Variants in C4orf36 observed in about 807,000 individuals in gnomAD.
The protein encoded by C4orf36 is chromosome 4 open reading frame 36, also known as uncharacterized protein C4orf36.
In C4orf36, 11 loss-of-function variants were observed where a neutral mutation model predicts 12.2. The ratio of observed to expected loss-of-function variants is 0.90; its 90% confidence interval spans 0.57 to 1.49. C4orf36 has a LOEUF of 1.49. Ranked by LOEUF, C4orf36 falls within the 40% of genes most tolerant of loss-of-function variation. C4orf36 has a pLI of 0.00. For synonymous variants in C4orf36, 54 were observed against 51.3 expected (o/e 1.05, Z -0.22); for missense variants, 137 against 133.9 (o/e 1.02, Z -0.11).
At chr4:86,876,806 C>G (rs1180298371) in intron 4 of C4orf36, among the ~76,000 whole-genome samples, 1 of 152,118 alleles carries the variant, frequency 6.6e-6, no homozygotes, top group Non-Finnish European at 1.5e-5. Context: ...GAGATTTTCT[C>G]ATGGATATAC....
chr4:86,889,767 A>G (rs1010583645), intron 2 of C4orf36, among the ~76,000 whole-genome samples: 2 of 152,190 alleles, frequency 1.3e-5, no homozygotes, highest in Non-Finnish European at 2.9e-5. Flanking sequence ...AAATCAAAAA[A>G]TTAGCCGAAT....
the C4orf36 span, among the ~76,000 whole-genome samples, chr4:86,931,879 C>CA: frequency 4.0e-5 from 6 of 151,250 alleles, no homozygotes; most frequent in East Asian, 1.2e-3. Flanking sequence ...ACTAAAAATA[C>CA]AAAAAATTGG....
At chr4:86,932,787 T>TAA in the C4orf36 span, among the ~76,000 whole-genome samples, 2 of 129,704 alleles carry the variant, frequency 1.5e-5, no homozygotes, top group Non-Finnish European at 3.3e-5. Context: ...GGGGTTCTGT[T>TAA]AAAAAAAAAA....
chr4:86,921,737 C>T, the C4orf36 span, among the ~76,000 whole-genome samples: 23 of 152,146 alleles, frequency 1.5e-4, no homozygotes, highest in African/African-American at 4.8e-4. Context: ...GCATGAAGTA[C>T]ATTCATATTG....
the C4orf36 span, among the ~76,000 whole-genome samples, chr4:86,902,129 T>A: frequency 6.6e-6 from 1 of 151,872 alleles, no homozygotes; most frequent in East Asian, 1.9e-4. Flanking sequence ...GTAAAAGAAA[T>A]AAGGAATTAC....
At chr4:86,901,346 G>C in the C4orf36 span, among the ~76,000 whole-genome samples, 1 of 149,398 alleles carries the variant, frequency 6.7e-6, no homozygotes, top group Non-Finnish European at 1.5e-5. Flanking sequence ...GATCATATCT[G>C]ATCTCTTCTC....
chr4:86,889,351 C>CAAAA (rs11357505), intron 2 of C4orf36, among the ~76,000 whole-genome samples: 1 of 118,278 alleles, frequency 8.5e-6, no homozygotes, highest in Non-Finnish European at 1.8e-5. Flanking sequence ...AACTCCGTCT[C>CAAAA]AAAAAAAAAA....
the C4orf36 span, chr4:86,913,187 A>G: frequency 1.5e-5 from 6 of 396,304 alleles, no homozygotes; most frequent in Admixed American, 1.5e-4. Flanking sequence ...CTTCCTTGCC[A>G]TCGTGCCACA....
chr4:86,927,162 C>A, the C4orf36 span, among the ~76,000 whole-genome samples: 1 of 152,266 alleles, frequency 6.6e-6, no homozygotes, highest in East Asian at 1.9e-4. Flanking sequence ...CTAGAATGTA[C>A]CCTGCCCAGG....
chr4:86,896,143 C>T (rs930768446), upstream of C4orf36, among the ~76,000 whole-genome samples: 3 of 152,126 alleles, frequency 2.0e-5, no homozygotes, highest in Admixed American at 2.0e-4. Context: ...AATGGAGGCA[C>T]CTCAACCACG....
At chr4:86,914,957 A>C in the C4orf36 span, 22 of 230,530 alleles carry the variant, frequency 9.5e-5, no homozygotes, top group East Asian at 3.6e-3. Context: ...CTATTTCTAT[A>C]CTTTAATCCC....
the C4orf36 span, among the ~76,000 whole-genome samples, chr4:86,910,316 G>A: frequency 6.6e-6 from 1 of 152,120 alleles, no homozygotes; most frequent in Admixed American, 6.5e-5. Flanking sequence ...GGAGGCTGAG[G>A]CAGGAGAATC....
At chr4:86,927,174 T>C in the C4orf36 span, among the ~76,000 whole-genome samples, 49 of 152,286 alleles carry the variant, frequency 3.2e-4, no homozygotes, top group East Asian at 2.9e-3. Context: ...CTGCCCAGGC[T>C]TGTTGAATGA....
chr4:86,909,524 T>C, the C4orf36 span, among the ~76,000 whole-genome samples: 509 of 152,310 alleles, frequency 3.3e-3, 1 homozygote, highest in African/African-American at 0.012. Flanking sequence ...AATTTCTATA[T>C]CTCAGTGCGA....
Position 86,891,777 on chromosome 4 carries a change from A to T in C4orf36, c.-73-184T>A, listed in dbSNP as rs1323009822. On this transcript the variant is annotated intron_variant, in intron 1 of 4. Transcript: ENST00000295898. ...TCATTTTTTCATTTTTTGCCACCGA[A>T]TAAGGAGAAAATGCCAGGTAAGTTT... Among the ~76,000 whole-genome samples, 29 of 152,152 alleles carry T rather than the reference A, an allele frequency of 1.9e-4. 1 individual carries two copies. The highest frequency in any genetic ancestry group is 1.8e-3 in the Admixed American group (28 of 15,274).
At chr4:86,905,557 A>G in the C4orf36 span, among the ~76,000 whole-genome samples, 1 of 152,056 alleles carries the variant, frequency 6.6e-6, no homozygotes, top group Admixed American at 6.6e-5. Flanking sequence ...TGTCTCAAGG[A>G]AGAAAAGAAA....
At chr4:86,934,474 G>C in the C4orf36 span, 4 of 152,176 alleles carry the variant, frequency 2.6e-5, no homozygotes, top group African/African-American at 9.7e-5. Flanking sequence ...GTGACATTGA[G>C]CACAATACTT....
intron 4 of C4orf36, among the ~76,000 whole-genome samples, chr4:86,884,897 A>G (rs1264128076): frequency 1.3e-5 from 2 of 152,154 alleles, no homozygotes; most frequent in East Asian, 1.9e-4. Context: ...TAAGGAAGGG[A>G]TCCAGTTTCA....
At chr4:86,882,951 C>T (rs1270925776) in intron 4 of C4orf36, among the ~76,000 whole-genome samples, 1 of 152,202 alleles carries the variant, frequency 6.6e-6, no homozygotes, top group African/African-American at 2.4e-5. Context: ...TTCAGAGACT[C>T]TCTTCCCAAT....
Sources: gnomAD v4.1 joint callset for allele counts (sites outside exome capture counted in the v4.1 genomes callset) on GRCh38, gnomAD v4.1.1 for gene constraint, MANE v1.5 for transcripts, NCBI Gene and HGNC (gene_info 2026-07-23, HGNC 2026-07-21) for gene names.